TRIO: variants seen among roughly 807,000 people sequenced by gnomAD.
The protein encoded by TRIO is trio Rho guanine nucleotide exchange factor.
Under a neutral mutation model 351.9 loss-of-function variants are expected in TRIO, and 58 were observed. That is an observed-to-expected ratio of 0.16 (90% confidence interval 0.13 to 0.21). The LOEUF is 0.21. Among genes scored for constraint, TRIO ranks in the 10% least tolerant of loss-of-function variants. The pLI, the probability that TRIO is intolerant of heterozygous loss-of-function variation, is 1.00. For missense variants in TRIO, 3,201 were observed against 4,027.8 expected (o/e 0.79, Z 5.56); for synonymous variants, 1,758 against 1,595.7 (o/e 1.10, Z -2.42).
intron 1 of TRIO, among the ~76,000 whole-genome samples, chr5:14,244,848 C>T (rs1794338730): frequency 6.6e-6 from 1 of 152,054 alleles, no homozygotes; most frequent in South Asian, 2.1e-4. Context: ...GTTGCTGGAG[C>T]AGGGAGCACA....
intron 39 of TRIO, 104 bp from the exon 40 acceptor site, chr5:14,473,890 C>A: frequency 9.4e-7 from 1 of 1,059,972 alleles, no homozygotes; most frequent in Non-Finnish European, 1.4e-6. Flanking sequence ...GGTTACAAGA[C>A]AGTGCATGTG....
chr5:14,509,714 A>C lies in TRIO; in HGVS notation c.*1292A>C, dbSNP rs1374373131. On this transcript the variant is annotated 3_prime_UTR_variant, in exon 57 of 57. Coordinates refer to ENST00000344204, the MANE Select transcript of TRIO (RefSeq NM_007118.4). ...CTGGCCGCCCCGCGGCTGGTACCCAATGCCCGAGTCACTGTGGCAGCATTC... is the reference window on the plus strand; with the variant it reads ...CTGGCCGCCCCGCGGCTGGTACCCACTGCCCGAGTCACTGTGGCAGCATTC... The C allele has an allele frequency of 6.3e-6, 2 of 319,946 alleles. No homozygotes were observed. The highest frequency in any genetic ancestry group is 1.0e-4 in the East Asian group (1 of 9,804). The allele number at this position is 319,946 out of a possible 1,614,324, so 19.8% of individuals were successfully genotyped here. A position where few individuals can be genotyped will look rare whatever the true frequency, so the allele number is the denominator to read the frequency against.
chr5:14,408,739 G>A (rs954721870), intron 33 of TRIO, among the ~76,000 whole-genome samples: 2 of 152,246 alleles, frequency 1.3e-5, no homozygotes, highest in Non-Finnish European at 2.9e-5. Flanking sequence ...GTGTGGGAAA[G>A]TGGCCCGCAT....
At chr5:14,227,156 G>GCAGT (rs1793096711) in intron 1 of TRIO, among the ~76,000 whole-genome samples, 1 of 152,144 alleles carries the variant, frequency 6.6e-6, no homozygotes, top group South Asian at 2.1e-4. Flanking sequence ...TTCCGCACCC[G>GCAGT]CAGTCCTTGA....
intron 34 of TRIO, among the ~76,000 whole-genome samples, chr5:14,434,079 A>G (rs1392351292): frequency 6.6e-6 from 1 of 152,336 alleles, no homozygotes; most frequent in Non-Finnish European, 1.5e-5. Context: ...AATAACAGAC[A>G]CTTGAAATTG....
chr5:14,316,958 A>T (rs1339494216), intron 9 of TRIO, among the ~76,000 whole-genome samples: 2 of 152,128 alleles, frequency 1.3e-5, no homozygotes, highest in African/African-American at 2.4e-5. Context: ...CCAGGAGAGG[A>T]TGTGGGGCCT....
rs749494831 is a variant in TRIO at position 14,419,874 on chromosome 5, C to G, written c.5056C>G (p.Leu1686Val). ...TIRRGQTVEV[L>V]ERPHDKPDWC... Reference sequence around the variant, plus strand: ...CCGACGGGGCCAGACCGTGGAAGTTCTGGAGCGGCCGCATGACAAGCCTGA... The same window carrying G: ...CCGACGGGGCCAGACCGTGGAAGTTGTGGAGCGGCCGCATGACAAGCCTGA... Residue 1686 changes from leucine (L) to valine (V), a missense_variant, in exon 34 of 57, where the codon CTG becomes GTG. Physicochemically the swap from Leu to Val is conservative, Grantham distance 32 (BLOSUM62 1). Around this residue, in one of 19 missense-constraint regions of TRIO, gnomAD observed 136 missense variants for 229.5 expected, o/e 0.59. Coordinates refer to ENST00000344204, the MANE Select transcript of TRIO (RefSeq NM_007118.4). The G allele has an allele frequency of 6.2e-7, 1 of 1,614,164 alleles. No homozygotes were observed. Among genetic ancestry groups the G allele is most frequent in the Non-Finnish European group, 8.5e-7 (1 of 1,180,006 alleles).
At chr5:14,406,493 C>A in intron 32 of TRIO, 80 bp from the exon 33 acceptor site, 1 of 1,370,752 alleles carries the variant, frequency 7.3e-7, no homozygotes, top group Non-Finnish European at 1.0e-6. Context: ...TGATATGCAC[C>A]TCATTAAACA....
At chr5:14,173,833 C>T (rs1789250025) in intron 1 of TRIO, among the ~76,000 whole-genome samples, 2 of 152,196 alleles carry the variant, frequency 1.3e-5, no homozygotes, top group Admixed American at 1.3e-4. Flanking sequence ...TTGTTTTCCA[C>T]ATGTAAATTA....
intron 34 of TRIO, among the ~76,000 whole-genome samples, chr5:14,453,529 C>T (rs529941642): frequency 6.6e-6 from 1 of 152,318 alleles, no homozygotes; most frequent in Admixed American, 6.5e-5. Flanking sequence ...ATGCCTCAGC[C>T]ATCCTACATT....
At chr5:14,432,476 T>C (rs1751241736) in intron 34 of TRIO, among the ~76,000 whole-genome samples, 1 of 152,242 alleles carries the variant, frequency 6.6e-6, no homozygotes, top group Non-Finnish European at 1.5e-5. Flanking sequence ...GCTTTGCCCA[T>C]TCTTGAGAGG....
chr5:14,509,433 C>A lies in TRIO; in HGVS notation c.*1011C>A, dbSNP rs1425828245. On this transcript the variant is annotated 3_prime_UTR_variant, in exon 57 of 57. Coordinates refer to ENST00000344204, the MANE Select transcript of TRIO (RefSeq NM_007118.4). Reference sequence around the variant, plus strand: ...GGGTAGGGTCGTAGCCCTGTGCCATCGGTTCAAAGAGACTTTTCGTGAAAT... The same window carrying A: ...GGGTAGGGTCGTAGCCCTGTGCCATAGGTTCAAAGAGACTTTTCGTGAAAT... The A allele has an allele frequency of 2.1e-6, 1 of 469,930 alleles. No individual in the cohort carries two copies. Among genetic ancestry groups the A allele is most frequent in the South Asian group, 1.5e-5 (1 of 65,458 alleles). 29.1% of individuals were successfully genotyped at this position (469,930 alleles called of 1,614,324 possible).
intron 1 of TRIO, among the ~76,000 whole-genome samples, chr5:14,240,327 G>C (rs147919560): frequency 1.5e-3 from 224 of 152,244 alleles, no homozygotes; most frequent in African/African-American, 4.9e-3. Context: ...TTCAAATCAT[G>C]AGCTTCTCAG....
intron 10 of TRIO, among the ~76,000 whole-genome samples, chr5:14,334,503 G>A (rs189370631): frequency 3.9e-5 from 6 of 152,304 alleles, no homozygotes; most frequent in East Asian, 1.9e-4. Context: ...TTTCAGAAAC[G>A]TAATACTTGG....
chr5:14,472,260 A>T (rs963534552), intron 38 of TRIO, among the ~76,000 whole-genome samples: 1 of 152,216 alleles, frequency 6.6e-6, no homozygotes, highest in African/African-American at 2.4e-5. Flanking sequence ...ATCATTTTTT[A>T]AAAGCCACTT....
chr5:14,413,729 AT>A (rs895748455), intron 33 of TRIO, among the ~76,000 whole-genome samples: 2 of 152,178 alleles, frequency 1.3e-5, no homozygotes, highest in Admixed American at 6.5e-5. Context: ...GAAAAGACAG[AT>A]TTTTTTTAAG....
intron 38 of TRIO, 25 bp downstream of exon 38, chr5:14,471,491 T>C: frequency 6.2e-7 from 1 of 1,613,002 alleles, no homozygotes; most frequent in Non-Finnish European, 8.5e-7. Context: ...TTTTCATTCT[T>C]ATTGTTCTCT....
intron 33 of TRIO, among the ~76,000 whole-genome samples, chr5:14,409,750 G>T (rs1477485449): frequency 4.0e-5 from 6 of 151,226 alleles, no homozygotes; most frequent in Admixed American, 2.6e-4. Flanking sequence ...CAGGAGAATG[G>T]CATGAACCCG....
Position 14,276,110 on chromosome 5 carries a change from T to C in TRIO, c.233-4212T>C, listed in dbSNP as rs115234480. Among the ~76,000 whole-genome samples, 939 of 151,904 alleles carry C rather than the reference T, an allele frequency of 6.2e-3. 9 individuals carry two copies. Among genetic ancestry groups the C allele is most frequent in the African/African-American group, 0.021 (886 of 41,436 alleles). On this transcript the variant is annotated intron_variant, in intron 2 of 56. Coordinates refer to ENST00000344204, the MANE Select transcript of TRIO (RefSeq NM_007118.4). ...GCAGTGAACATTCACTCTTATCAAG[T>C]TGGGGATATTGACAGGAATGTGGGA...
Sources: allele counts gnomAD v4.1 joint callset (sites outside exome capture counted in the v4.1 genomes callset), GRCh38; gene constraint gnomAD v4.1.1; regional missense constraint gnomAD v4.1.1; transcripts MANE v1.5; gene names NCBI Gene and HGNC (gene_info 2026-07-23, HGNC 2026-07-21).